PEAK3: variants seen among roughly 807,000 people sequenced by gnomAD.
The protein encoded by PEAK3 is PEAK family member 3.
PEAK3 carries 15 observed loss-of-function variants against 13.3 expected under a neutral mutation model. That is an observed-to-expected ratio of 1.13 (90% CI 0.75 to 1.73). The LOEUF is 1.73. Among genes scored for constraint, PEAK3 ranks in the 40% most tolerant of loss-of-function variants. PEAK3 has a pLI of 0.00. For missense variants in PEAK3, 739 were observed against 690.2 expected (o/e 1.07, Z -0.79); for synonymous variants, 347 against 341.9 (o/e 1.01, Z -0.17).
rs551192523 is a variant in PEAK3 at position 2,277,337 on chromosome 19, G to C, written c.613-848C>G. ...GTTGGGATAACGAGTGAGTTCTCGT[G>C]AGATCTGGCTGTGTAAAGGTGAGTA... is the stretch of plus-strand genomic sequence containing the variant. On this transcript the variant is annotated intron_variant, in intron 3 of 3. Transcript: ENST00000342063. 2.0e-5 allele frequency among the ~76,000 whole-genome samples: 3 copies of C among 152,130 alleles called. No individual in the cohort carries two copies. The South Asian group carries it at 6.2e-4, about 32-fold the overall frequency.
chr19:2,276,532 C>A, intron 3 of PEAK3, 43 bp from the exon 4 acceptor site: 1 of 1,431,422 alleles, frequency 7.0e-7, no homozygotes, highest in East Asian at 2.4e-5. Context: ...CACTGGGCCC[C>A]CCACAAGCAC....
intron 3 of PEAK3, 91 bp downstream of exon 3, chr19:2,278,493 C>T: frequency 6.0e-6 from 8 of 1,325,272 alleles, no homozygotes; most frequent in Admixed American, 2.8e-5. Context: ...TGAGAACTGA[C>T]TCACAGAAAG....
At chr19:2,277,365 A>G (rs144611590) in intron 3 of PEAK3, among the ~76,000 whole-genome samples, 1,720 of 150,848 alleles carry the variant, frequency 0.011, 15 homozygotes, top group Admixed American at 0.021. Flanking sequence ...GGTGAGTAGC[A>G]CCTCCTCCCT....
chr19:2,280,796 C>CA (rs2025432229), intron 2 of PEAK3, 54 bp downstream of exon 2: 16 of 1,416,160 alleles, frequency 1.1e-5, no homozygotes, highest in Middle Eastern at 2.3e-4. Context: ...TCCCTGCACC[C>CA]CCCTGCCGCT....
intron 3 of PEAK3, among the ~76,000 whole-genome samples, chr19:2,276,730 A>G (rs994266012): frequency 2.0e-5 from 3 of 152,168 alleles, no homozygotes; most frequent in Non-Finnish European, 2.9e-5. Flanking sequence ...ATGAGTTCGA[A>G]AGCAGATTCC....
At chr19:2,279,632 G>A (rs567571077) in intron 2 of PEAK3, among the ~76,000 whole-genome samples, 3 of 151,734 alleles carry the variant, frequency 2.0e-5, no homozygotes, top group South Asian at 2.1e-4. Context: ...CTCCAGCCTG[G>A]GCGGCAGAGC....
Position 2,278,852 on chromosome 19 carries a change from C to T in PEAK3, c.344G>A (p.Gly115Asp). 1.3e-6 allele frequency: 2 copies of T among 1,597,642 alleles called. No individual in the cohort carries two copies. Among genetic ancestry groups the T allele is most frequent in the Non-Finnish European group, 1.7e-6 (2 of 1,172,562 alleles). Residue 115 changes from glycine (G) to aspartate (D), a missense_variant, in exon 3 of 4, where the codon GGC becomes GAC. By Grantham distance (94) the Gly-to-Asp change is moderately conservative (BLOSUM62 -1). Transcript: ENST00000342063. The part of the protein sequence containing the change: ...PACLPAELTF[G>D]PADAPLGLSL... Reference sequence around the variant, plus strand: ...GAGGCCCAGTGGGGCGTCAGCCGGGCCAAAGGTCAGCTCTGCAGGGAGACA... The same window carrying T: ...GAGGCCCAGTGGGGCGTCAGCCGGGTCAAAGGTCAGCTCTGCAGGGAGACA...
At chr19:2,276,638 G>A (rs934567080) in intron 3 of PEAK3, 149 bp from the exon 4 acceptor site, 2 of 636,698 alleles carry the variant, frequency 3.1e-6, no homozygotes, top group Non-Finnish European at 5.2e-6. Flanking sequence ...TCCAGCAGCA[G>A]GAGGTCAGTG....
Position 2,275,839 on chromosome 19 carries a change from C to T in PEAK3, c.1263G>A (p.Gly421=). The stretch of plus-strand genomic sequence containing the variant: ...GCCCGCGGCGCACCCGCAGCCAGGG[C>T]CCGAGCGCTCGGAGCCAGGGACCAA... The part of the protein sequence containing the change: ...APLGPWLRAL[G]PWLRVRRGLL... The change falls in exon 4 of 4, where the codon GGG becomes GGA. Residue 421 remains glycine (G), a synonymous_variant. Coordinates refer to ENST00000342063, the MANE Select transcript of PEAK3 (RefSeq NM_198532.3). 1 of 1,500,142 alleles carries T rather than the reference C, an allele frequency of 6.7e-7. No individual in the cohort carries two copies. Among genetic ancestry groups the T allele is most frequent in the Non-Finnish European group, 8.8e-7 (1 of 1,130,516 alleles). The allele number at this position is 1,500,142 out of a possible 1,614,324, so 92.9% of individuals were successfully genotyped here. A position where few individuals can be genotyped will look rare whatever the true frequency, so the allele number is the denominator to read the frequency against.
chr19:2,276,445 C>T lies in PEAK3; in HGVS notation c.657G>A (p.Glu219=), dbSNP rs748324659. The stretch of plus-strand genomic sequence containing the variant: ...AGTGTGGAGACAGGGAGGCCTGCAG[C>T]TCCAGGCCCCACGGGTGGGGCACGT... ...GADVPHPWGL[E]LQASLSPHFN... is the part of the protein sequence containing the mutation. The change falls in exon 4 of 4, where the codon GAG becomes GAA. Residue 219 remains glutamate (E), a synonymous_variant. Transcript: ENST00000342063. The T allele has an allele frequency of 5.7e-6, 9 of 1,582,342 alleles. No homozygotes were observed. In the African/African-American group the frequency reaches 1.1e-4, roughly 19 times the overall value.
rs2025375843 is a variant in PEAK3 at position 2,275,473 on chromosome 19, C to T, written c.*207G>A. On this transcript the variant is annotated 3_prime_UTR_variant, in exon 4 of 4. Transcript: ENST00000342063. ...CAGGAGGCGCTGGCCAGCCCCCAGCCCTGGAGGGGCAGCTGCATTCCTGGG... is the reference window on the plus strand; with the variant it reads ...CAGGAGGCGCTGGCCAGCCCCCAGCTCTGGAGGGGCAGCTGCATTCCTGGG... The T allele has an allele frequency of 2.3e-6, 1 of 425,696 alleles. No homozygotes were observed. Among genetic ancestry groups the T allele is most frequent in the Non-Finnish European group, 4.0e-6 (1 of 251,942 alleles). 26.4% of individuals were successfully genotyped at this position (425,696 alleles called of 1,614,324 possible). A position where few individuals can be genotyped will look rare whatever the true frequency, so the allele number is the denominator to read the frequency against.
At position 2,280,943 on chromosome 19, in the gene PEAK3, A is replaced by G; in HGVS notation, c.-4-8T>C. The G allele has an allele frequency of 6.5e-7, 1 of 1,538,886 alleles. No homozygotes were observed. The highest frequency in any genetic ancestry group is 8.8e-7 in the Non-Finnish European group (1 of 1,139,414). On this transcript the variant is annotated splice_region_variant and splice_polypyrimidine_tract_variant and intron_variant, in intron 1 of 3. Coordinates refer to ENST00000342063, the MANE Select transcript of PEAK3 (RefSeq NM_198532.3). Reference sequence around the variant, plus strand: ...TCCGGGCTGCTCATGTTGCTGGGGAAAGGTCAAACGGGGCGTGTGTGGGGT... The same window carrying G: ...TCCGGGCTGCTCATGTTGCTGGGGAGAGGTCAAACGGGGCGTGTGTGGGGT...
In PEAK3 at chr19:2,278,692, GCCGGGGTGGCAGGGC is replaced by G; in HGVS notation, c.489_503del (p.Pro164_Gly168del). On this transcript the variant is annotated inframe_deletion, in exon 3 of 4. Coordinates refer to ENST00000342063, the MANE Select transcript of PEAK3 (RefSeq NM_198532.3). ...AGCTGTCTAGGAGGCGGAAGCTGTG[GCCGGGGTGGCAGGGC>G]CCGGGGTGGCCCCCCATGAGCCGGG... The G allele has an allele frequency of 6.5e-7, 1 of 1,526,816 alleles. No homozygotes were observed. Among genetic ancestry groups the G allele is most frequent in the African/African-American group, 1.4e-5 (1 of 72,374 alleles). 94.6% of individuals were successfully genotyped at this position (1,526,816 alleles called of 1,614,324 possible).
intron 3 of PEAK3, among the ~76,000 whole-genome samples, chr19:2,277,459 G>A (rs1426575848): frequency 6.6e-6 from 1 of 152,136 alleles, no homozygotes; most frequent in Non-Finnish European, 1.5e-5. Context: ...GGCCTCCCCA[G>A]AAGCAGAAGC....
chr19:2,276,387 C>A lies in PEAK3; in HGVS notation c.715G>T (p.Glu239Ter). 1 of 1,599,962 alleles carries A rather than the reference C, an allele frequency of 6.3e-7. No homozygotes were observed. Among genetic ancestry groups the A allele is most frequent in the South Asian group, 1.1e-5 (1 of 90,658 alleles). The change falls in exon 4 of 4, where the codon GAA (glutamate) becomes TAA (stop). Residue 239 changes from glutamate (E) to a stop codon, truncating the protein, a stop_gained. Coordinates refer to ENST00000342063, the MANE Select transcript of PEAK3 (RefSeq NM_198532.3). LOFTEE classifies it low-confidence loss of function (END_TRUNC). ...NLQGLCGLVP[E>*]GTLPGAPWRG... ...CAGGGCGCCCCGGGCAGTGTGCCTT[C>A]AGGCACCAGGCCACACAGCCCCTGC...
intron 3 of PEAK3, among the ~76,000 whole-genome samples, chr19:2,277,284 G>C (rs2025398852): frequency 6.6e-6 from 1 of 152,144 alleles, no homozygotes; most frequent in Non-Finnish European, 1.5e-5. Flanking sequence ...ATCATGAATG[G>C]CTCAGCACCA....
At chr19:2,279,636 G>T (rs1269948313) in intron 2 of PEAK3, among the ~76,000 whole-genome samples, 2 of 151,862 alleles carry the variant, frequency 1.3e-5, no homozygotes, top group Non-Finnish European at 2.9e-5. Flanking sequence ...AGCCTGGGCG[G>T]CAGAGCTTAC....
At position 2,275,896 on chromosome 19, in the gene PEAK3, G is replaced by A. The variant is rs1414761128; in HGVS notation, c.1206C>T (p.Pro402=). ...RGALQALLWG[P]GPELRGRGAP... is the part of the protein sequence containing the mutation. Reference sequence around the variant, plus strand: ...CTCCGCGGCCGCGCAGCTCAGGCCCGGGCCCCCAGAGCAGCGCCTGCAGCG... The same window carrying A: ...CTCCGCGGCCGCGCAGCTCAGGCCCAGGCCCCCAGAGCAGCGCCTGCAGCG... The change falls in exon 4 of 4, where the codon CCC becomes CCT. Residue 402 remains proline (P), a synonymous_variant. Transcript: ENST00000342063. 9 of 1,399,464 alleles carry A rather than the reference G, an allele frequency of 6.4e-6. 1 individual carries two copies. In the East Asian group the frequency reaches 1.9e-4, roughly 29 times the overall value. The allele number at this position is 1,399,464 out of a possible 1,614,324, so 86.7% of individuals were successfully genotyped here.
rs190527856 is a variant in PEAK3, at chr19:2,281,765, C to T, written c.-5+322G>A. ...TCTCTGGGGCCCTGCTGTGTGATCC[C>T]GAGTGGGTTTCCTGCCCTCTCTGGG... On this transcript the variant is annotated intron_variant, in intron 1 of 3. Transcript: ENST00000342063. 7.5e-3 allele frequency among the ~76,000 whole-genome samples: 1,102 copies of T among 147,446 alleles called. 5 individuals carry two copies. The highest frequency in any genetic ancestry group is 0.025 in the African/African-American group (1,013 of 39,852).
Sources: allele counts gnomAD v4.1 joint callset (sites outside exome capture counted in the v4.1 genomes callset), GRCh38; gene constraint gnomAD v4.1.1; transcripts MANE v1.5; gene names NCBI Gene and HGNC (gene_info 2026-07-23, HGNC 2026-07-21).